IL2RA: variants seen among roughly 807,000 people sequenced by gnomAD.
IL2RA encodes interleukin 2 receptor subunit alpha, also known as interleukin-2 receptor subunit alpha.
A neutral mutation model predicts 37.8 loss-of-function variants in IL2RA; 24 were observed. That is an observed-to-expected ratio of 0.63 (90% CI 0.46 to 0.89). The LOEUF (loss-of-function observed/expected upper bound fraction) is 0.89. Among genes scored for constraint, IL2RA ranks in the 40% least tolerant of loss-of-function variants. The pLI is 0.00. For missense variants in IL2RA, 319 were observed against 348.6 expected (o/e 0.92, Z 0.68); for synonymous variants, 125 against 114.6 (o/e 1.09, Z -0.58).
chr10:6,016,453 T>C (rs12722592), intron 7 of IL2RA, among the ~76,000 whole-genome samples: 18,676 of 152,294 alleles, frequency 0.12, 1,213 homozygotes, highest in Middle Eastern at 0.24. Flanking sequence ...AAGACACCAC[T>C]GAACTGTACA....
intron 1 of IL2RA, among the ~76,000 whole-genome samples, chr10:6,051,738 C>T (rs559002371): frequency 7.1e-6 from 1 of 140,328 alleles, no homozygotes; most frequent in Non-Finnish European, 1.5e-5. Context: ...CAGCTGTTCT[C>T]GAACTCCTGA....
Position 6,032,414 on chromosome 10 carries a change from A to C in IL2RA, c.65-6389T>G, listed in dbSNP as rs565971557. On this transcript the variant is annotated intron_variant, in intron 1 of 7. Transcript: ENST00000379959. ...ACATTAAGAAAATGAAAAAGTAGGC[A>C]GGGTGTGGTGGCTCACGCCTGTAAT... Among the ~76,000 whole-genome samples, 8 of 152,242 alleles carry C rather than the reference A, an allele frequency of 5.3e-5. No homozygotes were observed. The South Asian group carries it at 6.2e-4, about 12-fold the overall frequency.
chr10:6,055,602 T>C (rs1840030739), intron 1 of IL2RA, among the ~76,000 whole-genome samples: 1 of 30,904 alleles, frequency 3.2e-5, no homozygotes, highest in African/African-American at 5.8e-5. Flanking sequence ...CATGTCTACC[T>C]CTCTCTACAC....
chr10:6,032,388 G>A (rs1839609320), intron 1 of IL2RA, among the ~76,000 whole-genome samples: 1 of 152,142 alleles, frequency 6.6e-6, no homozygotes, highest in Non-Finnish European at 1.5e-5. Flanking sequence ...CTCATCCAGA[G>A]ACATTAAGAA....
chr10:6,040,868 A>T (rs1178988930), intron 1 of IL2RA, among the ~76,000 whole-genome samples: 1 of 152,254 alleles, frequency 6.6e-6, no homozygotes, highest in Non-Finnish European at 1.5e-5. Flanking sequence ...TTAAAGTATT[A>T]GAACTATTAA....
rs34158744 is a variant in IL2RA, at chr10:6,047,005, C to T, written c.64+15083G>A. On this transcript the variant is annotated intron_variant, in intron 1 of 7. Transcript: ENST00000379959. This position sits in a 1 kb window ranked among gnomAD's most constrained non-coding sequence, Gnocchi z 5.0. The stretch of plus-strand genomic sequence containing the variant: ...TGCTGAGAAGATCCTGCTTTTTACT[C>T]GGGTGTGGGACAAGTAGTTATGAAG... Among the ~76,000 whole-genome samples, 665 of 152,266 alleles carry T rather than the reference C, an allele frequency of 4.4e-3. 25 individuals carry two copies. In the East Asian group the frequency reaches 0.08, roughly 18 times the overall value.
chr10:6,041,367 G>A (rs190906325), intron 1 of IL2RA, among the ~76,000 whole-genome samples: 342 of 151,950 alleles, frequency 2.3e-3, no homozygotes, highest in African/African-American at 7.7e-3. Context: ...CACCCGCCTC[G>A]GCCTCCCAAA....
At chr10:6,027,231 C>T (rs1839499022) in intron 1 of IL2RA, among the ~76,000 whole-genome samples, 2 of 151,932 alleles carry the variant, frequency 1.3e-5, no homozygotes, top group Admixed American at 6.6e-5. Context: ...GAGGCTGAGG[C>T]AGGAGAATCA....
At chr10:6,034,391 A>G (rs948906069) in intron 1 of IL2RA, among the ~76,000 whole-genome samples, 1 of 152,152 alleles carries the variant, frequency 6.6e-6, no homozygotes, top group African/African-American at 2.4e-5. Flanking sequence ...AGTGTGTGGA[A>G]AGGTACGCTG....
At chr10:6,027,825 G>A (rs1839509464) in intron 1 of IL2RA, among the ~76,000 whole-genome samples, 1 of 151,972 alleles carries the variant, frequency 6.6e-6, no homozygotes, top group Non-Finnish European at 1.5e-5. Flanking sequence ...TCATATCACT[G>A]GTACCATTTG....
At position 6,048,198 on chromosome 10, in the gene IL2RA, A is replaced by G. The variant is rs1324904998; in HGVS notation, c.64+13890T>C. Among the ~76,000 whole-genome samples the G allele has an allele frequency of 6.6e-6, 1 of 152,234 alleles. No homozygotes were observed. Among genetic ancestry groups the G allele is most frequent in the Non-Finnish European group, 1.5e-5 (1 of 68,046 alleles). On this transcript the variant is annotated intron_variant, in intron 1 of 7. Coordinates refer to ENST00000379959, the MANE Select transcript of IL2RA (RefSeq NM_000417.3). This position sits in a 1 kb window ranked among gnomAD's most constrained non-coding sequence, Gnocchi z 5.3. ...GGGAGTCCTGAGGTGGGTGGTGATA[A>G]GTAAGCAAGAAGAGGGGTTGCTGGC...
At chr10:6,026,975 C>T (rs749071150) in intron 1 of IL2RA, among the ~76,000 whole-genome samples, 55 of 152,112 alleles carry the variant, frequency 3.6e-4, no homozygotes, top group Admixed American at 7.2e-4. Flanking sequence ...CCTTGTCCTC[C>T]GGAAGACCAT....
intron 1 of IL2RA, among the ~76,000 whole-genome samples, chr10:6,059,628 C>G (rs1293668920): frequency 6.6e-6 from 1 of 152,186 alleles, no homozygotes; most frequent in Non-Finnish European, 1.5e-5. Flanking sequence ...TCCTAACTTT[C>G]CAGTTTGAAT....
chr10:6,023,220 T>C (rs1374018453), intron 3 of IL2RA, among the ~76,000 whole-genome samples: 1 of 152,366 alleles, frequency 6.6e-6, no homozygotes, highest in South Asian at 2.1e-4. Context: ...TGGTATCTGA[T>C]ACAGTTCTTT....
chr10:6,021,351 A>T lies in IL2RA; in HGVS notation c.583+127T>A. 1 of 806,704 alleles carries T rather than the reference A, an allele frequency of 1.2e-6. No individual in the cohort carries two copies. Among genetic ancestry groups the T allele is most frequent in the Non-Finnish European group, 2.1e-6 (1 of 480,314 alleles). 50.0% of individuals were successfully genotyped at this position (806,704 alleles called of 1,614,324 possible). A position where few individuals can be genotyped will look rare whatever the true frequency, so the allele number is the denominator to read the frequency against. Reference sequence around the variant, plus strand: ...TTTTTCTCAGAATGAGAAAAAATGGAAGCCCAGGGAGATCAAGGGTCTTGT... The same window carrying T: ...TTTTTCTCAGAATGAGAAAAAATGGTAGCCCAGGGAGATCAAGGGTCTTGT... On this transcript the variant is annotated intron_variant, in intron 4 of 7. Transcript: ENST00000379959. This position sits in a 1 kb window ranked among gnomAD's most constrained non-coding sequence, Gnocchi z 4.9.
chr10:6,034,381 A>C (rs1839646851), intron 1 of IL2RA, among the ~76,000 whole-genome samples: 1 of 152,148 alleles, frequency 6.6e-6, no homozygotes, highest in South Asian at 2.1e-4. Flanking sequence ...GAGGTAGAAG[A>C]GTGTGTGGAA....
rs576070190 is a variant in IL2RA, at chr10:6,025,610, C to T, written c.256+224G>A. Among the ~76,000 whole-genome samples, 9 of 151,652 alleles carry T rather than the reference C, an allele frequency of 5.9e-5. No individual in the cohort carries two copies. Among genetic ancestry groups the T allele is most frequent in the African/African-American group, 9.7e-5 (4 of 41,324 alleles). ...GGCGGAAGTTGCAGTGAGCCGAGAT[C>T]GCGTGCCATTGCACTCCAGCCTAGG... On this transcript the variant is annotated intron_variant, in intron 2 of 7. Transcript: ENST00000379959. The surrounding 1 kb of genome is among the most constrained non-coding windows in gnomAD (Gnocchi z 4.4).
intron 1 of IL2RA, among the ~76,000 whole-genome samples, chr10:6,041,229 C>T (rs1839767053): frequency 6.6e-6 from 1 of 151,828 alleles, no homozygotes; most frequent in Non-Finnish European, 1.5e-5. Context: ...GCCATTCTGC[C>T]TCAGTCTCCC....
intron 1 of IL2RA, among the ~76,000 whole-genome samples, chr10:6,061,781 AACCTGCTCATCGGG>A (rs2132911465): frequency 6.6e-6 from 1 of 152,318 alleles, no homozygotes; most frequent in East Asian, 1.9e-4. Context: ...TTTCTTGAGA[AACCTGCTCATCGGG>A]ACCCTGTTAA....
Sources: gnomAD v4.1 joint callset for allele counts (sites outside exome capture counted in the v4.1 genomes callset) on GRCh38, gnomAD v4.1.1 for gene constraint, Gnocchi (gnomAD v3.1) non-coding constraint, MANE v1.5 for transcripts, NCBI Gene and HGNC (gene_info 2026-07-23, HGNC 2026-07-21) for gene names.